SUCLG2: variants seen among roughly 807,000 people sequenced by gnomAD.
The protein encoded by SUCLG2 is succinate-CoA ligase GDP-forming subunit beta, also known as succinate--CoA ligase [GDP-forming] subunit beta, mitochondrial.
In SUCLG2, 42 loss-of-function variants were observed where a neutral mutation model predicts 47.9. The observed-to-expected ratio is 0.88, with a 90% CI of 0.69 to 1.14. The LOEUF (loss-of-function observed/expected upper bound fraction) is 1.14, where lower values mean the gene tolerates loss of function less well. Among genes scored for constraint, SUCLG2 ranks in the 50% most tolerant of loss-of-function variants. The pLI is 0.00. For synonymous variants in SUCLG2, 195 were observed against 197.3 expected, an observed-to-expected ratio of 0.99 and a Z score of 0.10; for missense variants, 571 against 525.9, an observed-to-expected ratio of 1.09 and a Z score of -0.84.
intron 9 of SUCLG2, among the ~76,000 whole-genome samples, chr3:67,467,788 T>A (rs936795296): frequency 2.0e-5 from 3 of 152,010 alleles, no homozygotes; most frequent in Non-Finnish European, 2.9e-5. Flanking sequence ...ATATACCCAT[T>A]TCACAGGCAG....
At chr3:67,518,467 G>A (rs747535625) in intron 5 of SUCLG2, 131 bp from the exon 6 acceptor site, 809 of 804,802 alleles carry the variant, frequency 1.0e-3, no homozygotes, top group Non-Finnish European at 1.4e-3. Context: ...AGATCTCTGA[G>A]CAGGGCTACC....
intron 1 of SUCLG2, among the ~76,000 whole-genome samples, chr3:67,651,866 T>G (rs1189005667): frequency 6.6e-6 from 1 of 152,190 alleles, no homozygotes; most frequent in African/African-American, 2.4e-5. Flanking sequence ...CCATTCTCCA[T>G]CCCATGACCC....
intron 8 of SUCLG2, among the ~76,000 whole-genome samples, chr3:67,497,346 T>C (rs537071889): frequency 6.6e-6 from 1 of 152,166 alleles, no homozygotes; most frequent in African/African-American, 2.4e-5. Flanking sequence ...GAATTGATTC[T>C]ACCAGAAACA....
intron 10 of SUCLG2, among the ~76,000 whole-genome samples, chr3:67,364,397 G>T (rs1701848714): frequency 6.7e-6 from 1 of 150,012 alleles, no homozygotes. Context: ...TGTGGTGTCA[G>T]AGGAGGCCTA....
In SUCLG2 at chr3:67,529,123, T is replaced by C. The variant is rs1393790050; in HGVS notation, c.290A>G (p.Asn97Ser). 2.5e-6 allele frequency: 4 copies of C among 1,613,464 alleles called. No individual in the cohort carries two copies. The highest frequency in any genetic ancestry group is 2.5e-6 in the Non-Finnish European group (3 of 1,179,804). The part of the protein sequence containing the change: ...LAGGRGKGVF[N>S]SGLKGGVHLT... ...ATGAACACCTCCTTTCAAACCACTA[T>C]TGAAGACACCTTTTCCTCTTCCTCC... Residue 97 changes from asparagine to serine, a missense_variant, in exon 3 of 11, where the codon AAT (asparagine) becomes AGT (serine). Asn to Ser is a conservative substitution (Grantham distance 46). Transcript: ENST00000307227.
chr3:67,431,160 T>A (rs1447466020), intron 9 of SUCLG2, among the ~76,000 whole-genome samples: 1 of 152,014 alleles, frequency 6.6e-6, no homozygotes, highest in Non-Finnish European at 1.5e-5. Context: ...AAAAAGAGAA[T>A]TTTAGACCAA....
intron 9 of SUCLG2, among the ~76,000 whole-genome samples, chr3:67,429,519 T>C (rs930997916): frequency 1.3e-5 from 2 of 152,142 alleles, no homozygotes; most frequent in African/African-American, 4.8e-5. Context: ...AGACCATCGA[T>C]GCTAGGAAGA....
At chr3:67,402,025 G>T (rs532224334) in intron 9 of SUCLG2, among the ~76,000 whole-genome samples, 1 of 152,216 alleles carries the variant, frequency 6.6e-6, no homozygotes, top group African/African-American at 2.4e-5. Context: ...TTGTCCCAAG[G>T]TCACACAGCT....
rs372522045 is a variant in SUCLG2 at position 67,425,625 on chromosome 3, T to G, written c.1063-24774A>C. Among the ~76,000 whole-genome samples the G allele has an allele frequency of 7.9e-5, 12 of 152,320 alleles. 1 individual carries two copies. The East Asian group carries it at 2.1e-3, about 27-fold the overall frequency. ...TCCCTGGTTCCCAGGCCTTTAGACT[T>G]AGACTGGATGCTAAGCCATTGGCTC... On this transcript the variant is annotated intron_variant, in intron 9 of 10. Coordinates refer to ENST00000307227, the MANE Select transcript of SUCLG2 (RefSeq NM_003848.4).
At chr3:67,394,859 G>A (rs1702485083) in intron 10 of SUCLG2, among the ~76,000 whole-genome samples, 2 of 152,076 alleles carry the variant, frequency 1.3e-5, no homozygotes, top group Admixed American at 1.3e-4. Flanking sequence ...GAGAGTGGGG[G>A]CCAATATTCA....
rs562597001 is a variant in SUCLG2, at chr3:67,374,848, A to G, written c.*896T>C. The G allele has an allele frequency of 2.0e-5, 20 of 985,326 alleles. No individual in the cohort carries two copies. The South Asian group carries it at 6.1e-4, about 30-fold the overall frequency. 61.0% of individuals were successfully genotyped at this position (985,326 alleles called of 1,614,324 possible). A position where few individuals can be genotyped will look rare whatever the true frequency, so the allele number is the denominator to read the frequency against. ...ATCATGGAAAAAAAAAACACATTCA[A>G]ATAAGGTTCCCATCTTTCTACCATA... On this transcript the variant is annotated 3_prime_UTR_variant, in exon 11 of 11. Transcript: ENST00000307227.
chr3:67,410,060 A>G (rs1210620707), intron 9 of SUCLG2, among the ~76,000 whole-genome samples: 2 of 152,214 alleles, frequency 1.3e-5, no homozygotes, highest in African/African-American at 2.4e-5. Flanking sequence ...GTTCTAAATT[A>G]TAACACCTTA....
At chr3:67,612,189 C>T (rs1007393711) in intron 1 of SUCLG2, among the ~76,000 whole-genome samples, 1 of 151,958 alleles carries the variant, frequency 6.6e-6, no homozygotes, top group African/African-American at 2.4e-5. Context: ...TGAGACCCTG[C>T]CTCTACAGAA....
chr3:67,638,223 AGATAAT>A (rs1457591959), intron 1 of SUCLG2, among the ~76,000 whole-genome samples: 3 of 152,232 alleles, frequency 2.0e-5, no homozygotes, highest in Admixed American at 6.5e-5. Flanking sequence ...GATAAATGAT[AGATAAT>A]GATAATGATA....
chr3:67,503,933 A>C (rs145560599), intron 7 of SUCLG2, among the ~76,000 whole-genome samples: 3 of 152,186 alleles, frequency 2.0e-5, no homozygotes, highest in African/African-American at 7.2e-5. Context: ...ATTTTAACAG[A>C]AGAATGTGTC....
At chr3:67,642,849 C>CTGTGTG (rs140284214) in intron 1 of SUCLG2, among the ~76,000 whole-genome samples, 1 of 150,892 alleles carries the variant, frequency 6.6e-6, no homozygotes, top group East Asian at 1.9e-4. Context: ...GAAAAGGACT[C>CTGTGTG]TGTGTGTGTG....
chr3:67,485,688 C>T (rs551000739), intron 9 of SUCLG2, among the ~76,000 whole-genome samples: 18 of 152,020 alleles, frequency 1.2e-4, no homozygotes, highest in Non-Finnish European at 2.4e-4. Flanking sequence ...AATGTAAATT[C>T]GTAAAGGTGA....
intron 1 of SUCLG2, among the ~76,000 whole-genome samples, chr3:67,617,282 A>C (rs1203611529): frequency 1.3e-5 from 2 of 152,192 alleles, no homozygotes; most frequent in Non-Finnish European, 2.9e-5. Flanking sequence ...AATACCAATA[A>C]TGCTGTTCTG....
intron 1 of SUCLG2, among the ~76,000 whole-genome samples, chr3:67,630,733 C>T (rs1318841743): frequency 1.3e-5 from 2 of 152,204 alleles, no homozygotes; most frequent in Non-Finnish European, 2.9e-5. Flanking sequence ...ACCTCAGCCT[C>T]ACAATCCTCA....
Sources: allele counts gnomAD v4.1 joint callset (sites outside exome capture counted in the v4.1 genomes callset), GRCh38; gene constraint gnomAD v4.1.1; transcripts MANE v1.5; gene names NCBI Gene and HGNC (gene_info 2026-07-23, HGNC 2026-07-21).